SORCS3: variants seen among roughly 807,000 people sequenced by gnomAD.
SORCS3 encodes the protein sortilin related VPS10 domain containing receptor 3, also known as VPS10 domain-containing receptor SorCS3.
Under a neutral mutation model 146.3 loss-of-function variants are expected in SORCS3, and 57 were observed. The ratio of observed to expected loss-of-function variants is 0.39; its 90% CI spans 0.31 to 0.49. SORCS3 has a LOEUF of 0.49. SORCS3 is among the 20% of genes least tolerant of loss of function. The probability of loss-of-function intolerance (pLI) is 0.92; values close to 1 mark genes in which losing one functional copy is unlikely to be tolerated. For synonymous variants in SORCS3, 653 were observed against 618.5 expected, an observed-to-expected ratio of 1.06 and a Z score of -0.83; for missense variants, 1,341 against 1,575.5, an observed-to-expected ratio of 0.85 and a Z score of 2.52.
chr10:104,938,452 C>T (rs1276742004), intron 3 of SORCS3, among the ~76,000 whole-genome samples: 4 of 152,174 alleles, frequency 2.6e-5, no homozygotes, highest in African/African-American at 9.7e-5. Flanking sequence ...CTTGCCTTAT[C>T]TCACTCATAC....
intron 1 of SORCS3, among the ~76,000 whole-genome samples, chr10:104,735,105 A>G (rs544971786): frequency 1.4e-4 from 21 of 152,312 alleles, no homozygotes; most frequent in African/African-American, 5.1e-4. Context: ...AAGCACATCA[A>G]GAAAGAGAAG....
intron 4 of SORCS3, among the ~76,000 whole-genome samples, chr10:105,036,229 A>C (rs2055305248): frequency 6.6e-6 from 1 of 152,010 alleles, no homozygotes; most frequent in African/African-American, 2.4e-5. Flanking sequence ...TGGCTCATCC[A>C]TCATGACTCA....
At chr10:104,711,102 C>T (rs529276007) in intron 1 of SORCS3, among the ~76,000 whole-genome samples, 73 of 152,300 alleles carry the variant, frequency 4.8e-4, no homozygotes, top group Admixed American at 2.4e-3. Context: ...TTTTATTGAA[C>T]AAATCTTAGC....
At chr10:105,037,212 A>C (rs1440658598) in intron 4 of SORCS3, among the ~76,000 whole-genome samples, 2 of 152,292 alleles carry the variant, frequency 1.3e-5, no homozygotes, top group East Asian at 3.9e-4. Context: ...AGATGTAAAA[A>C]TCTGGCCTCA....
At chr10:104,952,057 C>T (rs1465591783) in intron 3 of SORCS3, among the ~76,000 whole-genome samples, 2 of 151,100 alleles carry the variant, frequency 1.3e-5, no homozygotes, top group Non-Finnish European at 2.9e-5. Context: ...TCCCCCGATT[C>T]CAAATCTAGT....
intron 6 of SORCS3, among the ~76,000 whole-genome samples, chr10:105,091,200 C>A (rs2055700388): frequency 9.4e-6 from 1 of 106,102 alleles, no homozygotes; most frequent in African/African-American, 3.3e-5. Context: ...TCCTTCCTTC[C>A]TTCCCTCCTT....
chr10:104,794,620 AG>A (rs1472433433), intron 1 of SORCS3, among the ~76,000 whole-genome samples: 1 of 86,016 alleles, frequency 1.2e-5, no homozygotes, highest in African/African-American at 5.9e-5. Flanking sequence ...AGAGAGAGGG[AG>A]GGAGAGAGAG....
chr10:104,688,807 C>G (rs944574823), intron 1 of SORCS3, among the ~76,000 whole-genome samples: 1 of 152,180 alleles, frequency 6.6e-6, no homozygotes. Context: ...CCTCCACGTG[C>G]CAACTCCCAG....
intron 8 of SORCS3, among the ~76,000 whole-genome samples, chr10:105,145,670 G>A (rs1456390142): frequency 2.0e-5 from 3 of 151,952 alleles, no homozygotes; most frequent in Admixed American, 6.6e-5. Flanking sequence ...AACACAACAC[G>A]ACTTCATCAC....
intron 2 of SORCS3, among the ~76,000 whole-genome samples, chr10:104,881,259 T>C (rs1390496379): frequency 2.0e-5 from 3 of 152,176 alleles, no homozygotes; most frequent in Non-Finnish European, 4.4e-5. Flanking sequence ...ATATAGATTG[T>C]AGTTTAATCT....
chr10:104,872,996 A>G (rs560578760), intron 2 of SORCS3, among the ~76,000 whole-genome samples: 2 of 152,226 alleles, frequency 1.3e-5, no homozygotes, highest in East Asian at 3.9e-4. Flanking sequence ...ACACAAGCAC[A>G]CAGACAAACA....
At chr10:105,127,187 C>T (rs1156336406) in intron 7 of SORCS3, among the ~76,000 whole-genome samples, 1 of 152,100 alleles carries the variant, frequency 6.6e-6, no homozygotes, top group Non-Finnish European at 1.5e-5. Flanking sequence ...GGAAGAACAT[C>T]TTGTACTCTG....
chr10:104,992,282 A>T (rs367768820), intron 4 of SORCS3, among the ~76,000 whole-genome samples: 2 of 152,202 alleles, frequency 1.3e-5, no homozygotes, highest in East Asian at 3.9e-4. Context: ...AGACACAAGA[A>T]AAAAGATGGT....
intron 7 of SORCS3, among the ~76,000 whole-genome samples, chr10:105,114,245 A>T (rs987039757): frequency 4.6e-5 from 7 of 152,122 alleles, no homozygotes; most frequent in Admixed American, 2.0e-4. Flanking sequence ...GTAAGAGTTC[A>T]TTTCATAAAA....
chr10:105,061,789 A>G (rs2055489633), intron 5 of SORCS3, among the ~76,000 whole-genome samples: 1 of 152,134 alleles, frequency 6.6e-6, no homozygotes, highest in Non-Finnish European at 1.5e-5. Context: ...ATCCTATAGC[A>G]CTTGTGTAGC....
At chr10:104,858,829 G>A (rs1323937252) in intron 2 of SORCS3, among the ~76,000 whole-genome samples, 1 of 150,982 alleles carries the variant, frequency 6.6e-6, no homozygotes, top group Admixed American at 6.6e-5. Flanking sequence ...TTCCATGTTA[G>A]CCAGGATGGT....
intron 4 of SORCS3, among the ~76,000 whole-genome samples, chr10:105,005,269 C>A (rs932461168): frequency 6.6e-6 from 1 of 152,112 alleles, no homozygotes; most frequent in African/African-American, 2.4e-5. Flanking sequence ...ATTCAGGTAG[C>A]CAACAGGTTG....
intron 3 of SORCS3, among the ~76,000 whole-genome samples, chr10:104,927,354 T>G (rs2019158824): frequency 6.6e-6 from 1 of 152,102 alleles, no homozygotes; most frequent in South Asian, 2.1e-4. Context: ...AGGGATTCCA[T>G]TTGAGGTTAA....
chr10:105,020,689 C>T (rs1054848539), intron 4 of SORCS3, among the ~76,000 whole-genome samples: 2 of 152,086 alleles, frequency 1.3e-5, no homozygotes, highest in Non-Finnish European at 2.9e-5. Flanking sequence ...TATGTTTGGC[C>T]CATGGATCAC....
Sources: gnomAD v4.1 joint callset for allele counts (sites outside exome capture counted in the v4.1 genomes callset) on GRCh38, gnomAD v4.1.1 for gene constraint, MANE v1.5 for transcripts, NCBI Gene and HGNC (gene_info 2026-07-23, HGNC 2026-07-21) for gene names.